Variants in BTN2A1 observed in about 807,000 individuals in gnomAD.
BTN2A1 encodes butyrophilin, subfamily 2, member A1.
A neutral mutation model predicts 34.5 loss-of-function variants in BTN2A1; 41 were observed. The ratio of observed to expected loss-of-function variants is 1.19; its 90% CI spans 0.93 to 1.54. The LOEUF (loss-of-function observed/expected upper bound fraction) is 1.54. BTN2A1 is among the 40% of genes most tolerant of loss of function. The pLI is 0.00. For synonymous variants in BTN2A1, 267 were observed against 258.6 expected, an observed-to-expected ratio of 1.03 and a Z score of -0.31; for missense variants, 642 against 662.0, an observed-to-expected ratio of 0.97 and a Z score of 0.33.
At chr6:26,465,540 A>T (rs6922353) in intron 5 of BTN2A1, 134 bp downstream of exon 5, 143,814 of 849,366 alleles carry the variant, frequency 0.17, 15,536 homozygotes, top group African/African-American at 0.4. Flanking sequence ...AATTAAAAAA[A>T]AAAAGAAAAG....
chr6:26,464,148 G>A (rs1581671477), intron 4 of BTN2A1, among the ~76,000 whole-genome samples: 1 of 152,152 alleles, frequency 6.6e-6, no homozygotes, highest in African/African-American at 2.4e-5. Context: ...GGAGGGTGGT[G>A]TGGATAAGTG....
chr6:26,469,042 C>G lies in BTN2A1; in HGVS notation c.*493C>G. ...GTGGAACCAGAGAGCTGGGAGGGAC[C>G]AAGGTTGTAAGGGTGGCTAAGTCCC... On this transcript the variant is annotated 3_prime_UTR_variant, in exon 8 of 8. Coordinates refer to ENST00000312541, the MANE Select transcript of BTN2A1 (RefSeq NM_007049.5). 8.6e-7 allele frequency: 1 copy of G among 1,169,084 alleles called. No individual in the cohort carries two copies. Among genetic ancestry groups the G allele is most frequent in the Non-Finnish European group, 1.1e-6 (1 of 932,302 alleles). 72.4% of individuals were successfully genotyped at this position (1,169,084 alleles called of 1,614,324 possible). A position where few individuals can be genotyped will look rare whatever the true frequency, so the allele number is the denominator to read the frequency against.
chr6:26,465,771 A>G (rs1339355415), intron 5 of BTN2A1, 182 bp from the exon 6 acceptor site: 11 of 969,704 alleles, frequency 1.1e-5, no homozygotes, highest in Admixed American at 1.2e-4. Context: ...CAAGTGTAAC[A>G]ATGTGCTGGT....
At chr6:26,467,450 T>TA (rs1379365025) in intron 7 of BTN2A1, among the ~76,000 whole-genome samples, 1 of 152,174 alleles carries the variant, frequency 6.6e-6, no homozygotes, top group Non-Finnish European at 1.5e-5. Context: ...TAGCTGGGAT[T>TA]ACAGGTGTGC....
intron 6 of BTN2A1, 26 bp downstream of exon 6, chr6:26,465,999 A>T: frequency 6.2e-7 from 1 of 1,614,234 alleles, no homozygotes. Context: ...CCTTAACTAC[A>T]TGTACAATTT....
intron 3 of BTN2A1, among the ~76,000 whole-genome samples, chr6:26,461,044 G>A (rs1230589367): frequency 6.6e-6 from 1 of 152,130 alleles, no homozygotes; most frequent in Non-Finnish European, 1.5e-5. Flanking sequence ...GTCTTTCCCT[G>A]GGGGCCTCAA....
intron 2 of BTN2A1, 41 bp from the exon 3 acceptor site, chr6:26,459,440 T>C: frequency 6.3e-7 from 1 of 1,589,528 alleles, no homozygotes; most frequent in African/African-American, 1.3e-5. Context: ...AGAGATGTGA[T>C]GGCTGGTGTC....
At position 26,468,869 on chromosome 6, in the gene BTN2A1, C is replaced by T; in HGVS notation, c.*320C>T. 2 of 1,430,398 alleles carry T rather than the reference C, an allele frequency of 1.4e-6. No individual in the cohort carries two copies. The highest frequency in any genetic ancestry group is 1.9e-6 in the Non-Finnish European group (2 of 1,076,808). 88.6% of individuals were successfully genotyped at this position (1,430,398 alleles called of 1,614,324 possible). A position where few individuals can be genotyped will look rare whatever the true frequency, so the allele number is the denominator to read the frequency against. ...ACCTGCTGTTTAACATCAGGGTGAC[C>T]ACATTAAGCCCAGTATTCCAGTTGG... is the stretch of plus-strand genomic sequence containing the variant. On this transcript the variant is annotated 3_prime_UTR_variant, in exon 8 of 8. Transcript: ENST00000312541.
Position 26,468,370 on chromosome 6 carries a change from A to G in BTN2A1, c.1405A>G (p.Arg469Gly). 5 of 1,614,192 alleles carry G rather than the reference A, an allele frequency of 3.1e-6. No homozygotes were observed. The South Asian group carries it at 5.5e-5, about 18-fold the overall frequency. ...TGTCTCCTTCTACAACATGAGGGAC[A>G]GATCGCACATCTACACATGTCCCCG... Reference protein sequence around the residue: ...GDVSFYNMRDRSHIYTCPRSA... With the variant: ...GDVSFYNMRDGSHIYTCPRSA... The change falls in exon 8 of 8, where the codon AGA becomes GGA. Residue 469 changes from arginine to glycine, a missense_variant. Coordinates refer to ENST00000312541, the MANE Select transcript of BTN2A1 (RefSeq NM_007049.5).
At position 26,468,494 on chromosome 6, in the gene BTN2A1, C is replaced by T. The variant is rs145758816; in HGVS notation, c.1529C>T (p.Thr510Met). The T allele has an allele frequency of 5.7e-4, 925 of 1,614,126 alleles. 6 individuals are homozygous for T. The African/African-American group carries it at 0.011, about 19-fold the overall frequency. The change falls in exon 8 of 8, where the codon ACG (threonine) becomes ATG (methionine). Residue 510 changes from threonine to methionine, a missense_variant. Thr to Met is a moderately conservative substitution (Grantham distance 81). Transcript: ENST00000312541. The part of the protein sequence containing the change: ...CPALTGANGV[T>M]VPEEGLTLHR... ...GCACTCACAGGAGCCAATGGGGTCA[C>T]GGTGCCTGAAGAGGGCCTGACACTT...
At chr6:26,465,834 G>A in intron 5 of BTN2A1, 119 bp from the exon 6 acceptor site, 3 of 1,555,990 alleles carry the variant, frequency 1.9e-6, no homozygotes, top group Non-Finnish European at 2.6e-6. Context: ...AGTGCCCTAG[G>A]CATGAGGGAA....
Position 26,468,577 on chromosome 6 carries a change from T to G in BTN2A1, c.*28T>G. ...TCAATTCCTTGGTCTCACAGCCATG[T>G]AGACAAGCCCTGGTCATCTCAGCAG... On this transcript the variant is annotated 3_prime_UTR_variant, in exon 8 of 8. Transcript: ENST00000312541. The G allele has an allele frequency of 3.1e-6, 5 of 1,614,176 alleles. No individual in the cohort carries two copies. The highest frequency in any genetic ancestry group is 4.2e-6 in the Non-Finnish European group (5 of 1,180,044).
In BTN2A1 at chr6:26,475,923, A is replaced by G. The variant is rs1450548773; in HGVS notation, c.983-199A>G. Among the ~76,000 whole-genome samples the G allele has an allele frequency of 2.0e-5, 3 of 152,176 alleles. No homozygotes were observed. In the South Asian group the frequency reaches 6.2e-4, roughly 32 times the overall value. On this transcript the variant is annotated intron_variant, in intron 7 of 7. Transcript: ENST00000469185. ...ATTTAAATTTACATGAATCCAGTGC[A>G]GGCAGCATCTCAGGGGAGGGAGGAG... is the stretch of plus-strand genomic sequence containing the variant.
In BTN2A1 at chr6:26,463,334, C is replaced by T; in HGVS notation, c.521C>T (p.Pro174Leu). 5.0e-6 allele frequency: 8 copies of T among 1,613,974 alleles called. No homozygotes were observed. The highest frequency in any genetic ancestry group is 6.8e-6 in the Non-Finnish European group (8 of 1,179,988). Reference protein sequence around the residue: ...ECISRGWYPKPLTVWRDPYGG... With the variant: ...ECISRGWYPKLLTVWRDPYGG... ...ATATCTAGAGGGTGGTACCCAAAGC[C>T]CCTCACAGTGTGGAGGGACCCCTAC... The change falls in exon 4 of 8, where the codon CCC becomes CTC. Residue 174 changes from proline (P) to leucine (L), a missense_variant. By Grantham distance (98) the Pro-to-Leu change is moderately conservative. Transcript: ENST00000312541.
At chr6:26,464,761 G>A (rs762468007) in intron 4 of BTN2A1, among the ~76,000 whole-genome samples, 23 of 152,314 alleles carry the variant, frequency 1.5e-4, no homozygotes, top group Non-Finnish European at 3.4e-4. Context: ...TTTTTAGGGC[G>A]AGTGACGTGG....
downstream of BTN2A1, among the ~76,000 whole-genome samples, chr6:26,471,190 C>A (rs966192868): frequency 2.6e-5 from 4 of 152,156 alleles, no homozygotes; most frequent in African/African-American, 9.7e-5. Flanking sequence ...TTTGTTAAGG[C>A]AGAAAACAGG....
downstream of BTN2A1, among the ~76,000 whole-genome samples, chr6:26,471,312 T>C (rs181064216): frequency 2.4e-4 from 36 of 152,266 alleles, no homozygotes; most frequent in Admixed American, 1.9e-3. Flanking sequence ...GGCTGGGAAA[T>C]GTAAGACCAA....
At chr6:26,476,031 A>AT (rs570137134) in intron 7 of BTN2A1, 703 of 1,031,076 alleles carry the variant, frequency 6.8e-4, no homozygotes, top group Non-Finnish European at 6.7e-4. Context: ...TAGTTGAAAG[A>AT]TTTTTTTTTA....
At chr6:26,473,985 C>T (rs577809500), downstream of BTN2A1, among the ~76,000 whole-genome samples, 7 of 152,304 alleles carry the variant, frequency 4.6e-5, no homozygotes, top group African/African-American at 1.7e-4. Flanking sequence ...TAGTGTTTCT[C>T]GGACCGAGTG....
Sources: allele counts gnomAD v4.1 joint callset (sites outside exome capture counted in the v4.1 genomes callset), GRCh38; gene constraint gnomAD v4.1.1; transcripts MANE v1.5; gene names NCBI Gene and HGNC (gene_info 2026-07-23, HGNC 2026-07-21).